The following MAN1A2 variants were observed in gnomAD, a reference collection of about 807,000 sequenced individuals.
MAN1A2 encodes mannosidase alpha class 1A member 2.
In MAN1A2, 26 loss-of-function variants were observed where a neutral mutation model predicts 75.7. The ratio of observed to expected loss-of-function variants is 0.34; its 90% CI spans 0.25 to 0.48. MAN1A2 has a LOEUF of 0.48. Ranked by LOEUF, MAN1A2 falls within the 20% of genes least tolerant of loss-of-function variation. The probability of loss-of-function intolerance (pLI) is 0.99; values close to 1 mark genes in which losing one functional copy is unlikely to be tolerated. For missense variants in MAN1A2, 562 were observed against 775.5 expected, an observed-to-expected ratio of 0.72 and a Z score of 3.27; for synonymous variants, 247 against 264.6, an observed-to-expected ratio of 0.93 and a Z score of 0.65.
intron 12 of MAN1A2, among the ~76,000 whole-genome samples, chr1:117,503,513 G>A (rs1018134646): frequency 4.0e-5 from 6 of 151,404 alleles, no homozygotes; most frequent in Non-Finnish European, 8.9e-5. Context: ...CTTTATTTTC[G>A]TCTTATACTC....
intron 6 of MAN1A2, among the ~76,000 whole-genome samples, chr1:117,448,991 T>A (rs957168782): frequency 2.0e-5 from 3 of 152,196 alleles, no homozygotes; most frequent in African/African-American, 7.2e-5. Context: ...TTAAAACTTT[T>A]CATTATTATT....
intron 1 of MAN1A2, among the ~76,000 whole-genome samples, chr1:117,372,513 T>G (rs1017741960): frequency 2.0e-5 from 3 of 152,176 alleles, no homozygotes; most frequent in Admixed American, 6.5e-5. Flanking sequence ...ATATGTTCCC[T>G]TCTATTAAGT....
intron 2 of MAN1A2, among the ~76,000 whole-genome samples, chr1:117,405,012 A>C (rs1647567777): frequency 6.6e-6 from 1 of 152,188 alleles, no homozygotes; most frequent in Non-Finnish European, 1.5e-5. Flanking sequence ...GTGTCACTGC[A>C]TTCCAGCCTG....
intron 8 of MAN1A2, among the ~76,000 whole-genome samples, chr1:117,487,732 CA>C (rs1292013460): frequency 6.6e-6 from 1 of 151,794 alleles, no homozygotes. Context: ...TGTTTATTAC[CA>C]AAAAATGTGC....
chr1:117,499,675 T>G, intron 11 of MAN1A2, 121 bp downstream of exon 11: 1 of 553,478 alleles, frequency 1.8e-6, no homozygotes, highest in East Asian at 3.6e-5. Flanking sequence ...TTTATTTATC[T>G]GATGAAGAAA....
intron 12 of MAN1A2, among the ~76,000 whole-genome samples, chr1:117,519,977 A>G (rs1337381711): frequency 1.3e-5 from 2 of 152,110 alleles, no homozygotes; most frequent in Non-Finnish European, 2.9e-5. Flanking sequence ...AAGATAATCC[A>G]TCATAATCAA....
intron 1 of MAN1A2, among the ~76,000 whole-genome samples, chr1:117,370,082 T>A (rs1455826269): frequency 6.6e-6 from 1 of 152,252 alleles, no homozygotes; most frequent in Non-Finnish European, 1.5e-5. Flanking sequence ...AATATGAAAT[T>A]TGAATGAAAA....
At chr1:117,453,757 T>C (rs1488404454) in intron 6 of MAN1A2, among the ~76,000 whole-genome samples, 1 of 152,222 alleles carries the variant, frequency 6.6e-6, no homozygotes, top group Non-Finnish European at 1.5e-5. Flanking sequence ...GGCCTCCAAG[T>C]TGGAAAGAAT....
chr1:117,485,163 A>T (rs967211711), intron 8 of MAN1A2, among the ~76,000 whole-genome samples: 1 of 151,992 alleles, frequency 6.6e-6, no homozygotes, highest in African/African-American at 2.4e-5. Flanking sequence ...TTAAACCAAG[A>T]TTCCTTTAGC....
At chr1:117,464,356 C>CAAAAAAAAAAA (rs55923337) in intron 7 of MAN1A2, among the ~76,000 whole-genome samples, 3 of 132,002 alleles carry the variant, frequency 2.3e-5, no homozygotes, top group South Asian at 5.0e-4. Context: ...AAGACTCTGT[C>CAAAAAAAAAAA]AAAAAAAAAA....
chr1:117,487,448 A>G (rs1650747901), intron 8 of MAN1A2, among the ~76,000 whole-genome samples: 1 of 152,020 alleles, frequency 6.6e-6, no homozygotes, highest in South Asian at 2.1e-4. Context: ...ATGGGAGACA[A>G]TAGGAAACCA....
Position 117,466,050 on chromosome 1 carries a change from G to GAA in MAN1A2, c.1075-284_1075-283insAA, listed in dbSNP as rs1463362333. On this transcript the variant is annotated intron_variant, in intron 7 of 12. Transcript: ENST00000356554. Reference sequence around the variant, plus strand: ...ACTGATGTTTCAGATGGTATTTCTAGGTAGTAGCATGTTGAGATTTAAAAT... The same window carrying GAA: ...ACTGATGTTTCAGATGGTATTTCTAGAAGTAGTAGCATGTTGAGATTTAAAAT... 2.0e-5 allele frequency among the ~76,000 whole-genome samples: 3 copies of GAA among 152,074 alleles called. No individual in the cohort carries two copies. In the East Asian group the frequency reaches 5.8e-4, roughly 29 times the overall value.
At chr1:117,392,322 T>A (rs951967593) in intron 1 of MAN1A2, among the ~76,000 whole-genome samples, 1 of 151,986 alleles carries the variant, frequency 6.6e-6, no homozygotes, top group African/African-American at 2.4e-5. Flanking sequence ...TATTACTTGA[T>A]CTGCATGGCA....
chr1:117,454,721 T>C (rs910117229), intron 6 of MAN1A2, among the ~76,000 whole-genome samples: 1 of 152,208 alleles, frequency 6.6e-6, no homozygotes, highest in Non-Finnish European at 1.5e-5. Flanking sequence ...TTATTTTTTC[T>C]GTTTTGGTCT....
At chr1:117,393,142 T>G (rs1360624712) in intron 1 of MAN1A2, among the ~76,000 whole-genome samples, 1 of 152,234 alleles carries the variant, frequency 6.6e-6, no homozygotes, top group Non-Finnish European at 1.5e-5. Flanking sequence ...TTTGGTCATT[T>G]GTAAGACAGT....
chr1:117,425,042 C>T (rs891010242), intron 5 of MAN1A2, among the ~76,000 whole-genome samples: 6 of 147,970 alleles, frequency 4.1e-5, no homozygotes, highest in East Asian at 2.0e-4. Flanking sequence ...GAAATAAAAC[C>T]GATTTCTTTT....
intron 12 of MAN1A2, among the ~76,000 whole-genome samples, chr1:117,513,444 T>A (rs1651607648): frequency 6.6e-6 from 1 of 152,098 alleles, no homozygotes; most frequent in African/African-American, 2.4e-5. Context: ...TATTATGCTC[T>A]TGTTTGGATA....
intron 11 of MAN1A2, among the ~76,000 whole-genome samples, chr1:117,501,460 T>A (rs1302023054): frequency 6.6e-6 from 1 of 151,804 alleles, no homozygotes; most frequent in Non-Finnish European, 1.5e-5. Flanking sequence ...GTATAGCGTG[T>A]CTTCTGTAGC....
chr1:117,420,628 A>G lies in MAN1A2; in HGVS notation c.834A>G (p.Ala278=), dbSNP rs1648154988. Residue 278 remains alanine, a synonymous_variant, in exon 5 of 13, where the codon GCA becomes GCG. Transcript: ENST00000356554. The part of the protein sequence containing the change: ...NIRFIGGLLA[A]YYLSGEEIFK... The stretch of plus-strand genomic sequence containing the variant: ...GATTTATTGGAGGCCTACTTGCAGC[A>G]TATTACCTATCAGGAGAGGAGGTGA... 3 of 1,612,746 alleles carry G rather than the reference A, an allele frequency of 1.9e-6. No homozygotes were observed. Among genetic ancestry groups the G allele is most frequent in the Admixed American group, 3.3e-5 (2 of 59,886 alleles).
Sources: gnomAD v4.1 joint callset for allele counts (sites outside exome capture counted in the v4.1 genomes callset) on GRCh38, gnomAD v4.1.1 for gene constraint, MANE v1.5 for transcripts, NCBI Gene and HGNC (gene_info 2026-07-23, HGNC 2026-07-21) for gene names.